Variants in TRIM37 observed in about 807,000 individuals in gnomAD.
TRIM37 encodes the protein tripartite motif containing 37, also known as E3 ubiquitin-protein ligase TRIM37.
A neutral mutation model predicts 129.8 loss-of-function variants in TRIM37; 80 were observed. The ratio of observed to expected loss-of-function variants is 0.62; its 90% confidence interval spans 0.51 to 0.74. The LOEUF (loss-of-function observed/expected upper bound fraction) is 0.74, where lower values mean the gene tolerates loss of function less well. Among genes scored for constraint, TRIM37 ranks in the 30% least tolerant of loss-of-function variants. The pLI is 0.00. For missense variants in TRIM37, 1,054 were observed against 1,176.5 expected (o/e 0.90, Z 1.52); for synonymous variants, 389 against 387.1 (o/e 1.00, Z -0.06).
intron 18 of TRIM37, 40 bp downstream of exon 18, chr17:59,031,856 A>T (rs766237081): frequency 6.3e-7 from 1 of 1,596,522 alleles, no homozygotes; most frequent in Non-Finnish European, 8.6e-7. Flanking sequence ...CTTTTAGAGA[A>T]CCACAGAAAA....
intron 1 of TRIM37, 67 bp from the exon 2 acceptor site, chr17:59,104,461 C>A: frequency 7.5e-7 from 1 of 1,332,506 alleles, no homozygotes; most frequent in South Asian, 1.2e-5. Flanking sequence ...AAGGCAAGCT[C>A]AAAACAACTT....
chr17:58,976,397 G>C, the TRIM37 span, among the ~76,000 whole-genome samples: 1 of 152,180 alleles, frequency 6.6e-6, no homozygotes, highest in African/African-American at 2.4e-5. Flanking sequence ...AGCTTAAGTG[G>C]ATGAGGGAGT....
At chr17:59,049,123 T>G (rs563237364) in intron 15 of TRIM37, 55 bp downstream of exon 15, 2 of 1,412,894 alleles carry the variant, frequency 1.4e-6, no homozygotes, top group Non-Finnish European at 2.0e-6. Flanking sequence ...AAAGCCATGA[T>G]GCTACTGTTT....
Position 59,028,716 on chromosome 17 carries a change from A to C in TRIM37, c.1956T>G (p.Tyr652Ter). 1 of 1,614,218 alleles carries C rather than the reference A, an allele frequency of 6.2e-7. No individual in the cohort carries two copies. The highest frequency in any genetic ancestry group is 8.5e-7 in the Non-Finnish European group (1 of 1,180,036). The change falls in exon 19 of 24, where the codon TAT becomes TAG. Residue 652 changes from tyrosine to a stop codon, truncating the protein, a stop_gained. Transcript: ENST00000262294. LOFTEE classifies it high-confidence loss of function. Reference protein sequence around the residue: ...PASLLQPTASYSRKDKDQRKQ... With the variant: ...PASLLQPTAS Reference sequence around the variant, plus strand: ...TCCTTTGGTCTTTATCTTTTCGAGAATATGATGCTTCAGAGAAATTGACAA... The same window carrying C: ...TCCTTTGGTCTTTATCTTTTCGAGACTATGATGCTTCAGAGAAATTGACAA...
chr17:59,041,358 G>A (rs1490088487), intron 17 of TRIM37, among the ~76,000 whole-genome samples: 2 of 152,068 alleles, frequency 1.3e-5, no homozygotes, highest in Non-Finnish European at 2.9e-5. Flanking sequence ...AAGATCCTTC[G>A]TAAGTCTAAG....
intron 22 of TRIM37, among the ~76,000 whole-genome samples, chr17:59,001,976 A>G (rs1396685468): frequency 6.6e-6 from 1 of 152,124 alleles, no homozygotes; most frequent in African/African-American, 2.4e-5. Context: ...ATTATTTGAA[A>G]CCAGCATTAA....
intron 12 of TRIM37, 34 bp downstream of exon 12, chr17:59,060,998 C>T (rs2041441768): frequency 2.6e-6 from 4 of 1,537,338 alleles, no homozygotes; most frequent in African/African-American, 1.4e-5. Context: ...TATGTAAATG[C>T]ACATTAAGGT....
chr17:58,996,081 T>C (rs2032960854), downstream of TRIM37, among the ~76,000 whole-genome samples: 1 of 151,968 alleles, frequency 6.6e-6, no homozygotes, highest in African/African-American at 2.4e-5. Flanking sequence ...TATTTAGTAA[T>C]TACAAAGGGG....
chr17:59,032,322 G>A (rs574900121), intron 17 of TRIM37, among the ~76,000 whole-genome samples: 60 of 151,198 alleles, frequency 4.0e-4, no homozygotes, highest in African/African-American at 1.3e-3. Context: ...TCAGGAGATC[G>A]AGACCATCCT....
chr17:58,977,440 CAAAAA>C, the TRIM37 span, among the ~76,000 whole-genome samples: 1 of 62,102 alleles, frequency 1.6e-5, no homozygotes, highest in Non-Finnish European at 3.4e-5. Flanking sequence ...GACTCTGTCT[CAAAAA>C]AAAAAAAAAA....
chr17:59,053,675 T>C (rs1031899952), intron 13 of TRIM37, among the ~76,000 whole-genome samples: 11 of 152,222 alleles, frequency 7.2e-5, no homozygotes, highest in African/African-American at 2.2e-4. Flanking sequence ...GTAAAATTGA[T>C]GTTTGAATAA....
At chr17:59,101,655 CAA>C (rs763661189) in intron 2 of TRIM37, among the ~76,000 whole-genome samples, 20 of 58,758 alleles carry the variant, frequency 3.4e-4, no homozygotes, top group African/African-American at 1.0e-3. Flanking sequence ...CCCATCTCTA[CAA>C]AAAAAAAAAA....
chr17:59,086,044 G>A (rs2043723348), intron 4 of TRIM37, among the ~76,000 whole-genome samples: 1 of 152,092 alleles, frequency 6.6e-6, no homozygotes, highest in Non-Finnish European at 1.5e-5. Context: ...AGAAGGAATG[G>A]GGAGTTGTTT....
the TRIM37 span, among the ~76,000 whole-genome samples, chr17:58,970,652 G>A: frequency 1.3e-5 from 2 of 152,074 alleles, no homozygotes; most frequent in African/African-American, 4.8e-5. Flanking sequence ...TTAAGAAAGA[G>A]AATTATTCTT....
chr17:58,977,457 GAAAT>G, the TRIM37 span, among the ~76,000 whole-genome samples: 1 of 147,486 alleles, frequency 6.8e-6, no homozygotes, highest in South Asian at 2.1e-4. Flanking sequence ...AAAAAAAAAA[GAAAT>G]AATGAATGAA....
chr17:59,045,638 C>CA lies in TRIM37; in HGVS notation c.1667+2044dup, dbSNP rs879736965. 4.4e-3 allele frequency among the ~76,000 whole-genome samples: 314 copies of CA among 71,808 alleles called. 2 individuals are homozygous for CA. The highest frequency in any genetic ancestry group is 5.4e-3 in the African/African-American group (101 of 18,750). The allele number at this position is 71,808 out of a possible 152,430, so 47.1% of individuals were successfully genotyped here. A position where few individuals can be genotyped will look rare whatever the true frequency, so the allele number is the denominator to read the frequency against. ...CGGGTGACAGTGCGAAACTCCGTCA[C>CA]AAAAAAAAAAAAAAGAAAAAAGAAA... On this transcript the variant is annotated intron_variant, in intron 16 of 23. Transcript: ENST00000262294.
At chr17:59,034,218 C>T (rs907122755) in intron 17 of TRIM37, among the ~76,000 whole-genome samples, 7 of 152,010 alleles carry the variant, frequency 4.6e-5, no homozygotes, top group Non-Finnish European at 7.4e-5. Context: ...AATCTATTGC[C>T]CTAATATCTG....
chr17:59,029,537 T>C (rs1343899050), intron 18 of TRIM37, among the ~76,000 whole-genome samples: 2 of 152,128 alleles, frequency 1.3e-5, no homozygotes, highest in Non-Finnish European at 2.9e-5. Context: ...GTTAAGAACA[T>C]GAAGTTAATC....
chr17:59,102,453 G>C (rs1415002861), intron 2 of TRIM37, among the ~76,000 whole-genome samples: 1 of 152,156 alleles, frequency 6.6e-6, no homozygotes, highest in African/African-American at 2.4e-5. Flanking sequence ...CAGTTTCACT[G>C]TTTATTAAAA....
Sources: gnomAD v4.1 joint callset for allele counts (sites outside exome capture counted in the v4.1 genomes callset) on GRCh38, gnomAD v4.1.1 for gene constraint, MANE v1.5 for transcripts, NCBI Gene and HGNC (gene_info 2026-07-23, HGNC 2026-07-21) for gene names.